CSMD1: variants seen among roughly 807,000 people sequenced by gnomAD.
The protein encoded by CSMD1 is CUB and sushi domain-containing protein 1.
A neutral mutation model predicts 417.5 loss-of-function variants in CSMD1; 213 were observed. The ratio of observed to expected loss-of-function variants is 0.51; its 90% CI spans 0.46 to 0.57. The LOEUF is 0.57. Among genes scored for constraint, CSMD1 ranks in the 20% least tolerant of loss-of-function variants. The pLI, the probability that CSMD1 is intolerant of heterozygous loss-of-function variation, is 0.00. For missense variants in CSMD1, 6,923 were observed against 4,529.7 expected, an observed-to-expected ratio of 1.53 and a Z score of -15.17; for synonymous variants, 2,862 against 1,736.8, an observed-to-expected ratio of 1.65 and a Z score of -16.11.
intron 1 of CSMD1, among the ~76,000 whole-genome samples, chr8:4,662,222 T>C (rs1298982241): frequency 6.6e-6 from 1 of 152,216 alleles, no homozygotes; most frequent in East Asian, 1.9e-4. Flanking sequence ...AAAGTTATGC[T>C]ATAATGATTT....
At chr8:3,290,061 C>T (rs963962160) in intron 25 of CSMD1, among the ~76,000 whole-genome samples, 1 of 147,146 alleles carries the variant, frequency 6.8e-6, no homozygotes, top group Non-Finnish European at 1.5e-5. Flanking sequence ...CCAGTTTTCC[C>T]AGCACCATTT....
At chr8:4,065,315 T>A (rs979748249) in intron 3 of CSMD1, among the ~76,000 whole-genome samples, 3 of 152,228 alleles carry the variant, frequency 2.0e-5, no homozygotes, top group Non-Finnish European at 2.9e-5. Context: ...CACACTGAAC[T>A]TTTACATTTA....
chr8:4,319,353 C>A (rs900574812), intron 3 of CSMD1, among the ~76,000 whole-genome samples: 4 of 151,982 alleles, frequency 2.6e-5, no homozygotes, highest in East Asian at 1.9e-4. Context: ...TCCTCCTTTC[C>A]TTTTGCTGAA....
intron 4 of CSMD1, among the ~76,000 whole-genome samples, chr8:4,031,007 C>A (rs1169121044): frequency 2.0e-5 from 3 of 152,150 alleles, no homozygotes; most frequent in Non-Finnish European, 4.4e-5. Flanking sequence ...CCATCCGAGA[C>A]CACCTCAGCC....
At chr8:3,311,838 G>A (rs1805375241) in intron 23 of CSMD1, among the ~76,000 whole-genome samples, 1 of 152,110 alleles carries the variant, frequency 6.6e-6, no homozygotes, top group Non-Finnish European at 1.5e-5. Context: ...TCATTTTCCT[G>A]TGGGACTTAC....
intron 50 of CSMD1, among the ~76,000 whole-genome samples, chr8:3,044,045 T>C (rs2128985218): frequency 6.6e-6 from 1 of 152,326 alleles, no homozygotes; most frequent in African/African-American, 2.4e-5. Context: ...TGCAAGCTGT[T>C]TATTTCTCTG....
At chr8:4,891,623 G>A (rs982370019) in intron 1 of CSMD1, among the ~76,000 whole-genome samples, 4 of 151,938 alleles carry the variant, frequency 2.6e-5, no homozygotes, top group African/African-American at 7.3e-5. Context: ...CGGATGTTTT[G>A]CTGAAAGATG....
intron 2 of CSMD1, among the ~76,000 whole-genome samples, chr8:4,534,528 T>A (rs1431233537): frequency 6.6e-6 from 1 of 152,176 alleles, no homozygotes; most frequent in Admixed American, 6.6e-5. Context: ...CATGGGTATA[T>A]TGGATCCAGG....
At chr8:4,121,259 C>A (rs1030952885) in intron 3 of CSMD1, among the ~76,000 whole-genome samples, 1 of 152,088 alleles carries the variant, frequency 6.6e-6, no homozygotes, top group African/African-American at 2.4e-5. Flanking sequence ...GGATTACAGG[C>A]ACCTGACACC....
At chr8:4,046,564 T>G (rs547997459) in intron 3 of CSMD1, among the ~76,000 whole-genome samples, 30 of 152,324 alleles carry the variant, frequency 2.0e-4, no homozygotes, top group Non-Finnish European at 3.1e-4. Flanking sequence ...AACTGTGGGC[T>G]TCCAGGTATT....
chr8:4,471,698 C>T (rs1800543187), intron 2 of CSMD1, among the ~76,000 whole-genome samples: 1 of 151,890 alleles, frequency 6.6e-6, no homozygotes, highest in Non-Finnish European at 1.5e-5. Flanking sequence ...AGAGAGAACA[C>T]GACCCATCTT....
chr8:3,615,559 C>G (rs1179308980), intron 8 of CSMD1, among the ~76,000 whole-genome samples: 1 of 152,148 alleles, frequency 6.6e-6, no homozygotes, highest in East Asian at 1.9e-4. Flanking sequence ...ACTTTGTATG[C>G]TTTTCATGTA....
intron 1 of CSMD1, among the ~76,000 whole-genome samples, chr8:4,987,736 C>G (rs1811255668): frequency 6.6e-6 from 1 of 152,132 alleles, no homozygotes; most frequent in Non-Finnish European, 1.5e-5. Context: ...GAGGGGCAGA[C>G]CCTCCCTCAA....
intron 9 of CSMD1, among the ~76,000 whole-genome samples, chr8:3,584,689 G>A (rs566336131): frequency 2.0e-5 from 3 of 152,116 alleles, no homozygotes; most frequent in Admixed American, 2.0e-4. Flanking sequence ...TGATTTAAAA[G>A]TAACATTTAA....
At chr8:4,093,592 GT>G (rs1800831854) in intron 3 of CSMD1, among the ~76,000 whole-genome samples, 1 of 152,118 alleles carries the variant, frequency 6.6e-6, no homozygotes, top group South Asian at 2.1e-4. Context: ...CAGAATATCG[GT>G]ATGCTTTTTC....
In CSMD1 at chr8:3,154,164, G is replaced by C. The variant is rs149021989; in HGVS notation, c.5915-2651C>G. 7.0e-3 allele frequency among the ~76,000 whole-genome samples: 1,061 copies of C among 152,264 alleles called. 10 individuals are homozygous for C. Among genetic ancestry groups the C allele is most frequent in the African/African-American group, 0.024 (1,015 of 41,552 alleles). On this transcript the variant is annotated intron_variant, in intron 39 of 69. Transcript: ENST00000635120. ...ATTTTTGTATTTTTAGTAGAGATGG[G>C]GTTTCACCATGTTGGTCAGGCTGGT...
intron 3 of CSMD1, among the ~76,000 whole-genome samples, chr8:4,199,473 A>G (rs1296796647): frequency 1.3e-5 from 2 of 152,192 alleles, no homozygotes; most frequent in African/African-American, 2.4e-5. Context: ...AACTCCAATT[A>G]AAAAGGCAAA....
At chr8:4,801,589 G>C (rs1798288371) in intron 1 of CSMD1, among the ~76,000 whole-genome samples, 1 of 151,904 alleles carries the variant, frequency 6.6e-6, no homozygotes, top group Non-Finnish European at 1.5e-5. Context: ...AATCATCTCA[G>C]TTAGTGAGCA....
intron 3 of CSMD1, among the ~76,000 whole-genome samples, chr8:4,355,469 C>G (rs1221883442): frequency 6.6e-6 from 1 of 151,984 alleles, no homozygotes; most frequent in African/African-American, 2.4e-5. Context: ...ATAGCTCAAA[C>G]TCATTTTTAT....
Sources: allele counts gnomAD v4.1 joint callset (sites outside exome capture counted in the v4.1 genomes callset), GRCh38; gene constraint gnomAD v4.1.1; transcripts MANE v1.5; gene names NCBI Gene and HGNC (gene_info 2026-07-23, HGNC 2026-07-21).